PSD3: variants seen among roughly 807,000 people sequenced by gnomAD.
PSD3 encodes the protein PH and SEC7 domain-containing protein 3.
PSD3 carries 49 observed loss-of-function variants against 105.5 expected under a neutral mutation model. That is an observed-to-expected ratio of 0.46 (90% CI 0.37 to 0.59). The LOEUF (loss-of-function observed/expected upper bound fraction) is 0.59, where lower values mean the gene tolerates loss of function less well. Among genes scored for constraint, PSD3 ranks in the 20% least tolerant of loss-of-function variants. The pLI, the probability that PSD3 is intolerant of heterozygous loss-of-function variation, is 0.00. For synonymous variants in PSD3, 557 were observed against 457.8 expected, an observed-to-expected ratio of 1.22 and a Z score of -2.77; for missense variants, 1,561 against 1,263.8, an observed-to-expected ratio of 1.24 and a Z score of -3.57.
At chr8:18,994,762 C>A (rs532576300) in intron 1 of PSD3, among the ~76,000 whole-genome samples, 18 of 150,982 alleles carry the variant, frequency 1.2e-4, no homozygotes, top group Non-Finnish European at 2.5e-4. Flanking sequence ...GTGAAATTCT[C>A]ATCATATTTC....
At chr8:18,543,490 C>T (rs1464655961) in intron 15 of PSD3, among the ~76,000 whole-genome samples, 2 of 151,918 alleles carry the variant, frequency 1.3e-5, no homozygotes, top group African/African-American at 4.8e-5. Context: ...TGGTGGCAGG[C>T]GCCTGTAGTC....
chr8:18,696,300 C>T (rs1394501025), intron 9 of PSD3, among the ~76,000 whole-genome samples: 2 of 152,220 alleles, frequency 1.3e-5, no homozygotes, highest in Non-Finnish European at 2.9e-5. Flanking sequence ...AGGCCGGAAA[C>T]TTCACATTAT....
chr8:18,568,388 C>T (rs1487159172), intron 14 of PSD3, among the ~76,000 whole-genome samples: 4 of 152,036 alleles, frequency 2.6e-5, no homozygotes, highest in African/African-American at 9.7e-5. Context: ...GAGCTCTGGC[C>T]ACTGCAGGAA....
intron 1 of PSD3, among the ~76,000 whole-genome samples, chr8:18,998,455 A>C (rs1826198588): frequency 6.6e-6 from 1 of 151,932 alleles, no homozygotes; most frequent in South Asian, 2.1e-4. Flanking sequence ...TGGGAGGCCG[A>C]GGCGGGTGGA....
In PSD3 at chr8:18,632,899, A is replaced by G; in HGVS notation, c.2217-93T>C. The G allele has an allele frequency of 3.0e-6, 3 of 986,182 alleles. No homozygotes were observed. The South Asian group carries it at 5.4e-5, about 18-fold the overall frequency. The allele number at this position is 986,182 out of a possible 1,614,324, so 61.1% of individuals were successfully genotyped here. On this transcript the variant is annotated intron_variant, in intron 10 of 15. Transcript: ENST00000327040. ...ATTGTAAAAAACTACATTGTATTCC[A>G]ATGGTGTATCACTTTTTATAACCAC...
rs78820938 is a variant in PSD3 at position 18,818,473 on chromosome 8, A to T, written c.1635-13575T>A. On this transcript the variant is annotated intron_variant, in intron 4 of 15. Transcript: ENST00000327040. Reference sequence around the variant, plus strand: ...GTGAGCGCTGTGTTCTTTAATGTGAATTAGATGTTATCTGCCATCTAACTC... The same window carrying T: ...GTGAGCGCTGTGTTCTTTAATGTGATTTAGATGTTATCTGCCATCTAACTC... 4.9e-3 allele frequency among the ~76,000 whole-genome samples: 739 copies of T among 152,162 alleles called. 13 individuals carry two copies. Among genetic ancestry groups the T allele is most frequent in the East Asian group, 0.033 (170 of 5,146 alleles).
At chr8:18,561,651 C>T (rs771663116) in intron 14 of PSD3, among the ~76,000 whole-genome samples, 1 of 151,964 alleles carries the variant, frequency 6.6e-6, no homozygotes, top group East Asian at 1.9e-4. Context: ...CACAATTATA[C>T]CTGGAAATAC....
At chr8:18,863,264 G>A (rs1164099114) in intron 4 of PSD3, among the ~76,000 whole-genome samples, 1 of 152,204 alleles carries the variant, frequency 6.6e-6, no homozygotes, top group Non-Finnish European at 1.5e-5. Context: ...GATTGAAGTT[G>A]TGGTCATCTG....
intron 8 of PSD3, among the ~76,000 whole-genome samples, chr8:18,767,624 G>T (rs1287448633): frequency 6.6e-6 from 1 of 152,114 alleles, no homozygotes; most frequent in East Asian, 1.9e-4. Context: ...GCGGCCGCCT[G>T]TAACTCCAGC....
At chr8:18,905,069 A>T (rs1819752343) in intron 2 of PSD3, among the ~76,000 whole-genome samples, 1 of 152,212 alleles carries the variant, frequency 6.6e-6, no homozygotes, top group Non-Finnish European at 1.5e-5. Context: ...TGCAAATTAA[A>T]AAACTGAGGC....
chr8:18,667,433 C>G (rs1799535390), intron 9 of PSD3, among the ~76,000 whole-genome samples: 1 of 152,162 alleles, frequency 6.6e-6, no homozygotes, highest in East Asian at 1.9e-4. Flanking sequence ...GGTGTATTCC[C>G]AAGCCCTTAG....
At chr8:18,607,446 T>G (rs1392414605) in intron 11 of PSD3, among the ~76,000 whole-genome samples, 1 of 152,110 alleles carries the variant, frequency 6.6e-6, no homozygotes, top group Non-Finnish European at 1.5e-5. Context: ...CTCACAGATG[T>G]GGAACCTATG....
intron 9 of PSD3, among the ~76,000 whole-genome samples, chr8:18,737,700 G>A (rs1053900852): frequency 3.9e-5 from 6 of 152,260 alleles, no homozygotes; most frequent in African/African-American, 9.6e-5. Context: ...GGAGGGGAAA[G>A]TATATACCTT....
intron 1 of PSD3, among the ~76,000 whole-genome samples, chr8:19,050,949 C>G (rs1828506997): frequency 6.6e-6 from 1 of 152,196 alleles, no homozygotes; most frequent in Non-Finnish European, 1.5e-5. Flanking sequence ...GAGGCAGAAA[C>G]AGAGCCTCAG....
intron 14 of PSD3, among the ~76,000 whole-genome samples, chr8:18,572,152 A>G (rs964602646): frequency 6.6e-6 from 1 of 152,216 alleles, no homozygotes; most frequent in Admixed American, 6.5e-5. Context: ...AGCACTAAAC[A>G]CATCCTGGAA....
chr8:18,986,627 T>G (rs988301501), intron 1 of PSD3, among the ~76,000 whole-genome samples: 3 of 152,266 alleles, frequency 2.0e-5, no homozygotes, highest in Non-Finnish European at 4.4e-5. Flanking sequence ...TGGTGCTGTA[T>G]TTCCTTATCC....
rs562345034 is a variant in PSD3 at position 18,910,910 on chromosome 8, G to C, written c.130+25124C>G. 8.0e-5 allele frequency among the ~76,000 whole-genome samples: 12 copies of C among 150,338 alleles called. No individual in the cohort carries two copies. In the East Asian group the frequency reaches 2.2e-3, roughly 27 times the overall value. On this transcript the variant is annotated intron_variant, in intron 2 of 15. Transcript: ENST00000327040. ...CAGGCCAGGCTGGGTAACATAGCAA[G>C]ACTCTGTCTCTACATAAAATTCAAA...
At position 18,652,588 on chromosome 8, in the gene PSD3, C is replaced by A. The variant is rs376499640; in HGVS notation, c.2216+3054G>T. Reference sequence around the variant, plus strand: ...TCTCAGCTCACTGCAACCTCTGTTTCTTGGGTTCAAGCAATTCTCCCGCCT... The same window carrying A: ...TCTCAGCTCACTGCAACCTCTGTTTATTGGGTTCAAGCAATTCTCCCGCCT... On this transcript the variant is annotated intron_variant, in intron 10 of 15. Transcript: ENST00000327040. Among the ~76,000 whole-genome samples, 10 of 133,630 alleles carry A rather than the reference C, an allele frequency of 7.5e-5. No homozygotes were observed. The East Asian group carries it at 2.1e-3, about 28-fold the overall frequency. 87.7% of individuals were successfully genotyped at this position (133,630 alleles called of 152,430 possible). A position where few individuals can be genotyped will look rare whatever the true frequency, so the allele number is the denominator to read the frequency against.
chr8:18,949,663 C>G (rs1243078192), intron 1 of PSD3, among the ~76,000 whole-genome samples: 1 of 151,918 alleles, frequency 6.6e-6, no homozygotes, highest in African/African-American at 2.4e-5. Context: ...CAGATCATAC[C>G]AAGCATTTCA....
Sources: gnomAD v4.1 joint callset for allele counts (sites outside exome capture counted in the v4.1 genomes callset) on GRCh38, gnomAD v4.1.1 for gene constraint, MANE v1.5 for transcripts, NCBI Gene and HGNC (gene_info 2026-07-23, HGNC 2026-07-21) for gene names.